Variants in CCDC178 observed in about 807,000 individuals in gnomAD.
The protein encoded by CCDC178 is coiled-coil domain containing 178.
In CCDC178, 126 loss-of-function variants were observed where a neutral mutation model predicts 117.4. The observed-to-expected ratio is 1.07, with a 90% CI of 0.93 to 1.24. The LOEUF is 1.24. Ranked by LOEUF, CCDC178 falls within the 50% of genes most tolerant of loss-of-function variation. The pLI is 0.00. For synonymous variants in CCDC178, 283 were observed against 313.4 expected, an observed-to-expected ratio of 0.90 and a Z score of 1.02; for missense variants, 1,030 against 986.9, an observed-to-expected ratio of 1.04 and a Z score of -0.59.
intron 4 of CCDC178, among the ~76,000 whole-genome samples, chr18:33,391,563 CTA>C (rs1354318150): frequency 6.6e-6 from 1 of 152,030 alleles, no homozygotes; most frequent in Non-Finnish European, 1.5e-5. Context: ...TAAGTAGAAA[CTA>C]GCTGCACTAT....
intron 8 of CCDC178, 56 bp downstream of exon 8, chr18:33,348,834 G>C: frequency 9.7e-7 from 1 of 1,029,226 alleles, no homozygotes; most frequent in South Asian, 1.4e-5. Context: ...TATATTAAAT[G>C]AAGTCAATGA....
intron 22 of CCDC178, among the ~76,000 whole-genome samples, chr18:32,959,698 C>T (rs1029662679): frequency 4.6e-5 from 7 of 151,900 alleles, no homozygotes; most frequent in Admixed American, 6.6e-5. Context: ...CACATCAAAG[C>T]AGCATCATTA....
chr18:33,386,969 A>G (rs1490819359), intron 5 of CCDC178, among the ~76,000 whole-genome samples: 1 of 152,180 alleles, frequency 6.6e-6, no homozygotes, highest in Non-Finnish European at 1.5e-5. Flanking sequence ...AGAAAACCCC[A>G]TCGACTCAGC....
intron 20 of CCDC178, among the ~76,000 whole-genome samples, chr18:33,203,873 T>G (rs149094067): frequency 1.3e-5 from 2 of 152,220 alleles, no homozygotes; most frequent in African/African-American, 4.8e-5. Flanking sequence ...AATGTTCTTC[T>G]CTCAAATGTC....
At chr18:33,366,494 C>A (rs1270505061) in intron 6 of CCDC178, among the ~76,000 whole-genome samples, 5 of 151,836 alleles carry the variant, frequency 3.3e-5, no homozygotes. Flanking sequence ...AACATTAAAA[C>A]CCAAAGGAAT....
At chr18:33,187,197 G>A (rs1284711093) in intron 20 of CCDC178, among the ~76,000 whole-genome samples, 3 of 151,780 alleles carry the variant, frequency 2.0e-5, no homozygotes, top group African/African-American at 7.3e-5. Context: ...CAGCATGGGG[G>A]AAACCAACCC....
chr18:33,272,482 T>A (rs2059902448), intron 12 of CCDC178, among the ~76,000 whole-genome samples: 1 of 151,632 alleles, frequency 6.6e-6, no homozygotes, highest in Non-Finnish European at 1.5e-5. Flanking sequence ...AAAAGATGAA[T>A]CGACATGGGT....
chr18:33,005,630 A>G (rs2055731193), intron 21 of CCDC178, among the ~76,000 whole-genome samples: 1 of 152,116 alleles, frequency 6.6e-6, no homozygotes. Flanking sequence ...TTTGTGACAC[A>G]AAGAAAGGAT....
intron 21 of CCDC178, among the ~76,000 whole-genome samples, chr18:33,088,330 G>A (rs922748967): frequency 6.7e-6 from 1 of 150,364 alleles, no homozygotes; most frequent in Non-Finnish European, 1.5e-5. Context: ...AAAATATGTT[G>A]GGATTTTTAT....
intron 21 of CCDC178, among the ~76,000 whole-genome samples, chr18:32,992,993 C>A (rs1326020040): frequency 1.3e-5 from 2 of 151,966 alleles, no homozygotes; most frequent in Non-Finnish European, 2.9e-5. Context: ...TGGTGAAGCC[C>A]CGTCTCTGCT....
At chr18:33,230,279 AATT>A (rs2059354452) in intron 15 of CCDC178, among the ~76,000 whole-genome samples, 1 of 151,896 alleles carries the variant, frequency 6.6e-6, no homozygotes, top group Non-Finnish European at 1.5e-5. Flanking sequence ...TGTGTAAGTT[AATT>A]ATCATATCCA....
At chr18:33,139,766 C>G (rs1172002445) in intron 20 of CCDC178, among the ~76,000 whole-genome samples, 1 of 152,124 alleles carries the variant, frequency 6.6e-6, no homozygotes, top group Non-Finnish European at 1.5e-5. Context: ...AAGAAAAACC[C>G]ATTTTCTGAG....
intron 21 of CCDC178, among the ~76,000 whole-genome samples, chr18:33,074,686 G>A (rs559374134): frequency 6.6e-6 from 1 of 152,158 alleles, no homozygotes; most frequent in African/African-American, 2.4e-5. Context: ...CTTCAGGAAG[G>A]GGAGTGGTAA....
chr18:32,999,894 G>T (rs904053821), intron 21 of CCDC178, among the ~76,000 whole-genome samples: 6 of 151,926 alleles, frequency 3.9e-5, no homozygotes, highest in African/African-American at 1.5e-4. Context: ...GTACAAACAA[G>T]CCCATACTGC....
chr18:33,344,058 A>G (rs1237167512), intron 9 of CCDC178, among the ~76,000 whole-genome samples: 1 of 151,046 alleles, frequency 6.6e-6, no homozygotes, highest in Non-Finnish European at 1.5e-5. Context: ...TAATCCCAGC[A>G]CTTTGGGAGG....
At chr18:33,348,577 T>C (rs1365724267) in intron 8 of CCDC178, among the ~76,000 whole-genome samples, 2 of 151,838 alleles carry the variant, frequency 1.3e-5, no homozygotes, top group African/African-American at 4.8e-5. Context: ...TACTGGACAA[T>C]ATACACATGG....
intron 5 of CCDC178, among the ~76,000 whole-genome samples, chr18:33,380,950 G>A (rs1356240098): frequency 7.0e-6 from 1 of 143,400 alleles, no homozygotes; most frequent in Non-Finnish European, 1.5e-5. Flanking sequence ...TCTACTATCT[G>A]TAAAACTAAA....
chr18:33,160,869 C>T (rs1254033444), intron 20 of CCDC178, among the ~76,000 whole-genome samples: 1 of 152,040 alleles, frequency 6.6e-6, no homozygotes, highest in Admixed American at 6.6e-5. Flanking sequence ...TTCTAAATAC[C>T]CATCCACTTG....
intron 12 of CCDC178, among the ~76,000 whole-genome samples, chr18:33,281,053 G>A (rs1321840259): frequency 2.0e-5 from 3 of 151,654 alleles, no homozygotes; most frequent in Non-Finnish European, 4.4e-5. Context: ...GGATACATAT[G>A]TAACTAACCT....
Sources: gnomAD v4.1 joint callset for allele counts (sites outside exome capture counted in the v4.1 genomes callset) on GRCh38, gnomAD v4.1.1 for gene constraint, MANE v1.5 for transcripts, NCBI Gene and HGNC (gene_info 2026-07-23, HGNC 2026-07-21) for gene names.